CAMK2A: variants seen among roughly 807,000 people sequenced by gnomAD.
CAMK2A encodes calcium/calmodulin-dependent protein kinase type II subunit alpha.
Under a neutral mutation model 79.2 loss-of-function variants are expected in CAMK2A, and 7 were observed. That is an observed-to-expected ratio of 0.09 (90% confidence interval 0.05 to 0.17). The LOEUF (loss-of-function observed/expected upper bound fraction) is 0.17, where lower values mean the gene tolerates loss of function less well. CAMK2A is among the 10% of genes least tolerant of loss of function. The probability of loss-of-function intolerance (pLI) is 1.00; values close to 1 mark genes in which losing one functional copy is unlikely to be tolerated. For synonymous variants in CAMK2A, 242 were observed against 251.7 expected, an observed-to-expected ratio of 0.96 and a Z score of 0.36; for missense variants, 214 against 646.4, an observed-to-expected ratio of 0.33 and a Z score of 7.25.
intron 7 of CAMK2A, 123 bp from the exon 8 acceptor site, chr5:150,252,188 C>A: frequency 1.4e-6 from 1 of 738,706 alleles, no homozygotes; most frequent in South Asian, 1.8e-5. Flanking sequence ...ACAGCCCCTG[C>A]CCCTCAGGTG....
intron 2 of CAMK2A, 144 bp from the exon 3 acceptor site, chr5:150,265,159 G>A: frequency 1.5e-6 from 1 of 671,062 alleles, no homozygotes; most frequent in East Asian, 2.8e-5. Flanking sequence ...CAGGGCCTCT[G>A]AGTTCTCCAG....
intron 1 of CAMK2A, among the ~76,000 whole-genome samples, chr5:150,287,937 CTGTG>C (rs57886187): frequency 0.04 from 5,604 of 140,826 alleles, 296 homozygotes; most frequent in African/African-American, 0.12. Flanking sequence ...AGGATAGCCT[CTGTG>C]TGTGTGTGTG....
chr5:150,238,986 T>C (rs1288313940), intron 14 of CAMK2A, among the ~76,000 whole-genome samples: 1 of 152,124 alleles, frequency 6.6e-6, no homozygotes. Flanking sequence ...CCCTGGCCTT[T>C]CTGGAAGGAC....
chr5:150,249,924 C>T (rs541224664), intron 11 of CAMK2A, among the ~76,000 whole-genome samples: 14 of 152,292 alleles, frequency 9.2e-5, no homozygotes, highest in African/African-American at 3.4e-4. Context: ...CCCCTGGCTC[C>T]AGACCCAGAA....
At chr5:150,236,690 G>A (rs1210006059) in intron 15 of CAMK2A, among the ~76,000 whole-genome samples, 1 of 152,124 alleles carries the variant, frequency 6.6e-6, no homozygotes, top group Non-Finnish European at 1.5e-5. Flanking sequence ...TCTTATCACT[G>A]GGCAGCTAGC....
At position 150,250,209 on chromosome 5, in the gene CAMK2A, G is replaced by T; in HGVS notation, c.900+17C>A. 1 of 1,603,236 alleles carries T rather than the reference G, an allele frequency of 6.2e-7. No homozygotes were observed. Among genetic ancestry groups the T allele is most frequent in the Middle Eastern group, 1.7e-4 (1 of 6,042 alleles). ...CTAGTCCCATGGCCAGGACTGTGGA[G>T]GGTGAGGACCTGTTACCTTCAGTTT... On this transcript the variant is annotated intron_variant, in intron 11 of 18. Coordinates refer to ENST00000671881, the MANE Select transcript of CAMK2A (RefSeq NM_015981.4).
At chr5:150,247,626 G>C (rs1366725449) in intron 12 of CAMK2A, 146 bp downstream of exon 12, 3 of 628,422 alleles carry the variant, frequency 4.8e-6, no homozygotes, top group Non-Finnish European at 8.4e-6. Context: ...GGCCGTGGCA[G>C]GTGAGCTAAG....
At chr5:150,229,383 A>G (rs1235215632) in intron 16 of CAMK2A, among the ~76,000 whole-genome samples, 1 of 152,118 alleles carries the variant, frequency 6.6e-6, no homozygotes, top group Non-Finnish European at 1.5e-5. Flanking sequence ...TGGGAGACTG[A>G]GCGCCCCCAC....
chr5:150,239,389 AGAGCAGAGG>A (rs1755239047), intron 14 of CAMK2A, among the ~76,000 whole-genome samples: 1 of 152,220 alleles, frequency 6.6e-6, no homozygotes, highest in Non-Finnish European at 1.5e-5. Context: ...GATGAATTCT[AGAGCAGAGG>A]GGCAGGGAGA....
chr5:150,273,281 C>T (rs1343023857), intron 1 of CAMK2A, 122 bp from the exon 2 acceptor site: 13 of 696,458 alleles, frequency 1.9e-5, no homozygotes, highest in East Asian at 1.1e-4. Flanking sequence ...GCTGCTCAAG[C>T]TCACAGGGGC....
chr5:150,283,403 C>T (rs1387931759), intron 1 of CAMK2A, among the ~76,000 whole-genome samples: 2 of 152,210 alleles, frequency 1.3e-5, no homozygotes, highest in South Asian at 4.1e-4. Context: ...GAGACAAGGT[C>T]TTGCTCTGTC....
intron 17 of CAMK2A, among the ~76,000 whole-genome samples, chr5:150,225,041 G>GGAGAGAGAGA (rs58360121): frequency 0.01 from 1,096 of 108,734 alleles, 15 homozygotes; most frequent in Admixed American, 0.054. Context: ...TGGTAGGTAG[G>GGAGAGAGAGA]GAGAGAGAGA....
intron 15 of CAMK2A, among the ~76,000 whole-genome samples, chr5:150,233,363 CT>C (rs1016032599): frequency 6.6e-6 from 1 of 152,214 alleles, no homozygotes; most frequent in African/African-American, 2.4e-5. Context: ...AGCACCGCCC[CT>C]GGCACATGGT....
Position 150,289,700 on chromosome 5 carries a change from C to T in CAMK2A, c.-75G>A. 1 of 1,201,088 alleles carries T rather than the reference C, an allele frequency of 8.3e-7. No individual in the cohort carries two copies. Among genetic ancestry groups the T allele is most frequent in the South Asian group, 1.3e-5 (1 of 78,436 alleles). 74.4% of individuals were successfully genotyped at this position (1,201,088 alleles called of 1,614,324 possible). A position where few individuals can be genotyped will look rare whatever the true frequency, so the allele number is the denominator to read the frequency against. ...AGGCGCTGCTGCTCTGCTCCCGAAC[C>T]TAGGGACCACTTGCCTGCCCGTGCT... On this transcript the variant is annotated 5_prime_UTR_variant, in exon 1 of 19. Transcript: ENST00000671881.
intron 1 of CAMK2A, among the ~76,000 whole-genome samples, chr5:150,278,199 T>C (rs963198294): frequency 2.6e-5 from 4 of 151,674 alleles, no homozygotes; most frequent in Non-Finnish European, 5.9e-5. Flanking sequence ...ACATGAGACA[T>C]AGTTGGGAAA....
chr5:150,238,585 C>G (rs1755193537), intron 15 of CAMK2A, 115 bp downstream of exon 15: 1 of 1,041,672 alleles, frequency 9.6e-7, no homozygotes, highest in Non-Finnish European at 1.5e-6. Context: ...GAGCGAAGCT[C>G]TCTGTAGATG....
chr5:150,287,142 A>G (rs1296423311), intron 1 of CAMK2A, among the ~76,000 whole-genome samples: 1 of 152,192 alleles, frequency 6.6e-6, no homozygotes, highest in Non-Finnish European at 1.5e-5. Context: ...AGGCTCCTCA[A>G]TGATGTGGTC....
chr5:150,277,423 G>A (rs964955006), intron 1 of CAMK2A, among the ~76,000 whole-genome samples: 2 of 152,234 alleles, frequency 1.3e-5, no homozygotes, highest in Non-Finnish European at 2.9e-5. Flanking sequence ...GGCCAGCGAG[G>A]GGGGCTCTGC....
intron 15 of CAMK2A, among the ~76,000 whole-genome samples, chr5:150,231,676 T>C (rs1041849107): frequency 1.3e-5 from 2 of 151,544 alleles, no homozygotes; most frequent in African/African-American, 2.4e-5. Flanking sequence ...GTGTCTCTGT[T>C]GGCGGTCTTT....
Sources: allele counts gnomAD v4.1 joint callset (sites outside exome capture counted in the v4.1 genomes callset), GRCh38; gene constraint gnomAD v4.1.1; transcripts MANE v1.5; gene names NCBI Gene and HGNC (gene_info 2026-07-23, HGNC 2026-07-21).